The following ARHGAP24 variants were observed in gnomAD, a reference collection of about 807,000 sequenced individuals.
ARHGAP24 encodes the protein rho GTPase-activating protein 24.
In ARHGAP24, 50 loss-of-function variants were observed where a neutral mutation model predicts 76.4. The observed-to-expected ratio is 0.65, with a 90% CI of 0.52 to 0.83. The LOEUF (loss-of-function observed/expected upper bound fraction) is 0.83, where lower values mean the gene tolerates loss of function less well. ARHGAP24 is among the 40% of genes least tolerant of loss of function. The pLI, the probability that ARHGAP24 is intolerant of heterozygous loss-of-function variation, is 0.00. For synonymous variants in ARHGAP24, 345 were observed against 323.3 expected (o/e 1.07, Z -0.72); for missense variants, 930 against 914.2 (o/e 1.02, Z -0.22).
intron 3 of ARHGAP24, among the ~76,000 whole-genome samples, chr4:85,915,233 CA>C: frequency 6.6e-6 from 1 of 152,166 alleles, no homozygotes; most frequent in Non-Finnish European, 1.5e-5. Context: ...ATGCTCAGCA[CA>C]AATAGCACAC....
chr4:85,796,614 A>G (rs533121289), intron 3 of ARHGAP24, among the ~76,000 whole-genome samples: 1 of 152,354 alleles, frequency 6.6e-6, no homozygotes, highest in East Asian at 1.9e-4. Context: ...AATATAAAGA[A>G]TGATTAACTA....
At chr4:85,557,746 T>C (rs1415410460) in intron 1 of ARHGAP24, among the ~76,000 whole-genome samples, 2 of 152,324 alleles carry the variant, frequency 1.3e-5, no homozygotes, top group African/African-American at 4.8e-5. Flanking sequence ...AATATTTCTG[T>C]AATCATTTCC....
intron 3 of ARHGAP24, among the ~76,000 whole-genome samples, chr4:85,801,183 T>A (rs1255862168): frequency 6.6e-6 from 1 of 152,130 alleles, no homozygotes; most frequent in Non-Finnish European, 1.5e-5. Flanking sequence ...AACAGTATAA[T>A]TAGGTGATAA....
rs765766682 is a variant in ARHGAP24 at position 85,721,986 on chromosome 4, C to T, written c.268+14C>T. The T allele has an allele frequency of 5.0e-6, 8 of 1,605,904 alleles. No homozygotes were observed. In the South Asian group the frequency reaches 7.7e-5, roughly 15 times the overall value. The stretch of plus-strand genomic sequence containing the variant: ...AAGTAGTTCCAGGTAAGATATTTTC[C>T]TAGTCTGATTAAATTATTGTCATCC... On this transcript the variant is annotated intron_variant, in intron 3 of 9. Coordinates refer to ENST00000395184, the MANE Select transcript of ARHGAP24 (RefSeq NM_001025616.3).
At chr4:85,548,117 A>T (rs7685580) in intron 1 of ARHGAP24, among the ~76,000 whole-genome samples, 10,468 of 152,222 alleles carry the variant, frequency 0.069, 867 homozygotes, top group African/African-American at 0.2. Context: ...TTATCCATTG[A>T]AAGCCACTTC....
chr4:85,509,323 T>C (rs969378432), intron 1 of ARHGAP24, among the ~76,000 whole-genome samples: 1 of 151,942 alleles, frequency 6.6e-6, no homozygotes, highest in African/African-American at 2.4e-5. Flanking sequence ...TGTGCACATG[T>C]ACCCTAAAAC....
chr4:85,606,125 G>C (rs1426636881), intron 2 of ARHGAP24, among the ~76,000 whole-genome samples: 2 of 152,098 alleles, frequency 1.3e-5, no homozygotes, highest in Non-Finnish European at 2.9e-5. Flanking sequence ...AAAATGTTTT[G>C]AATACCTACT....
Position 85,918,719 on chromosome 4 carries a change from T to G in ARHGAP24, c.269-4929T>G, listed in dbSNP as rs191004367. 1.8e-4 allele frequency among the ~76,000 whole-genome samples: 28 copies of G among 152,202 alleles called. 1 individual carries two copies. The highest frequency in any genetic ancestry group is 1.6e-3 in the Admixed American group (25 of 15,268). ...TATTTTATTTTTAAGAAAGAAAAAT[T>G]TATGTCAAATCCAAATATATAGCAT... On this transcript the variant is annotated intron_variant, in intron 3 of 9. Coordinates refer to ENST00000395184, the MANE Select transcript of ARHGAP24 (RefSeq NM_001025616.3).
At chr4:85,916,615 C>G (rs1434360920) in intron 3 of ARHGAP24, among the ~76,000 whole-genome samples, 1 of 152,074 alleles carries the variant, frequency 6.6e-6, no homozygotes, top group Non-Finnish European at 1.5e-5. Context: ...TTTCTGTAGT[C>G]TGTAATAAAA....
intron 3 of ARHGAP24, among the ~76,000 whole-genome samples, chr4:85,811,795 C>G (rs974371717): frequency 1.3e-5 from 2 of 152,128 alleles, no homozygotes; most frequent in African/African-American, 4.8e-5. Context: ...CTTTTTTAAA[C>G]AAAGTCATAT....
intron 3 of ARHGAP24, among the ~76,000 whole-genome samples, chr4:85,757,316 A>G (rs1726546915): frequency 6.7e-6 from 1 of 149,382 alleles, no homozygotes; most frequent in Non-Finnish European, 1.5e-5. Flanking sequence ...TGCTGCACCC[A>G]TTAACTCGTC....
intron 2 of ARHGAP24, among the ~76,000 whole-genome samples, chr4:85,620,258 A>C (rs1046425049): frequency 1.3e-5 from 2 of 152,040 alleles, no homozygotes; most frequent in Admixed American, 6.6e-5. Context: ...ATTTGGTAGA[A>C]TTTTGCAGTG....
At chr4:85,600,394 T>C (rs1403542192) in intron 2 of ARHGAP24, among the ~76,000 whole-genome samples, 3 of 152,206 alleles carry the variant, frequency 2.0e-5, no homozygotes. Context: ...TAATTCACTG[T>C]GCACATTGGG....
intron 2 of ARHGAP24, among the ~76,000 whole-genome samples, chr4:85,650,096 T>C (rs1483243696): frequency 6.6e-6 from 1 of 152,144 alleles, no homozygotes; most frequent in Non-Finnish European, 1.5e-5. Flanking sequence ...CAATATACGG[T>C]GTAAATTTAA....
intron 3 of ARHGAP24, among the ~76,000 whole-genome samples, chr4:85,853,791 T>C (rs913927670): frequency 6.6e-6 from 1 of 151,942 alleles, no homozygotes; most frequent in Non-Finnish European, 1.5e-5. Context: ...TCGTCTCTAC[T>C]AAAAGTACAA....
At chr4:85,824,978 TA>T (rs2110128120) in intron 3 of ARHGAP24, among the ~76,000 whole-genome samples, 1 of 152,132 alleles carries the variant, frequency 6.6e-6, no homozygotes, top group East Asian at 1.9e-4. Flanking sequence ...TAATCCCAGC[TA>T]CTAGGGAGGC....
At chr4:85,944,187 G>A (rs570473222) in intron 5 of ARHGAP24, among the ~76,000 whole-genome samples, 24 of 152,120 alleles carry the variant, frequency 1.6e-4, no homozygotes, top group Non-Finnish European at 2.6e-4. Flanking sequence ...TTGTGGTTTT[G>A]ATTTGCATTT....
intron 3 of ARHGAP24, among the ~76,000 whole-genome samples, chr4:85,868,830 A>G (rs1732355662): frequency 6.6e-6 from 1 of 152,276 alleles, no homozygotes; most frequent in East Asian, 1.9e-4. Context: ...AAAATCAACC[A>G]TAATCCCCTC....
At position 85,613,073 on chromosome 4, in the gene ARHGAP24, C is replaced by T. The variant is rs148928045; in HGVS notation, c.180+42352C>T. Among the ~76,000 whole-genome samples, 559 of 152,246 alleles carry T rather than the reference C, an allele frequency of 3.7e-3. 4 individuals carry two copies. The highest frequency in any genetic ancestry group is 0.013 in the African/African-American group (540 of 41,534). ...TCAACCTCCCAAAGTGCTGGGATTA[C>T]ATGTGTGAGCCACCGCACTCAGTCT... On this transcript the variant is annotated intron_variant, in intron 2 of 9. Coordinates refer to ENST00000395184, the MANE Select transcript of ARHGAP24 (RefSeq NM_001025616.3).
Sources: gnomAD v4.1 joint callset for allele counts (sites outside exome capture counted in the v4.1 genomes callset) on GRCh38, gnomAD v4.1.1 for gene constraint, MANE v1.5 for transcripts, NCBI Gene and HGNC (gene_info 2026-07-23, HGNC 2026-07-21) for gene names.